Variants in NPAS3 observed in about 807,000 individuals in gnomAD.
NPAS3 encodes the protein neuronal PAS domain protein 3.
In NPAS3, 14 loss-of-function variants were observed where a neutral mutation model predicts 73.1. The observed-to-expected ratio is 0.19, with a 90% CI of 0.13 to 0.30. The LOEUF is 0.30. NPAS3 is among the 10% of genes least tolerant of loss of function. NPAS3 has a pLI of 1.00. For synonymous variants in NPAS3, 620 were observed against 541.5 expected, an observed-to-expected ratio of 1.14 and a Z score of -2.01; for missense variants, 1,096 against 1,250.0, an observed-to-expected ratio of 0.88 and a Z score of 1.86.
chr14:33,008,942 G>A (rs1390967962), intron 1 of NPAS3, among the ~76,000 whole-genome samples: 2 of 152,108 alleles, frequency 1.3e-5, no homozygotes, highest in African/African-American at 2.4e-5. Context: ...TTTGCAACAT[G>A]CTACCTTCTC....
chr14:33,260,213 T>C (rs998797085), intron 3 of NPAS3, among the ~76,000 whole-genome samples: 4 of 152,214 alleles, frequency 2.6e-5, no homozygotes, highest in African/African-American at 9.6e-5. Context: ...TAGATCCTTA[T>C]GTTTGTACCT....
In NPAS3 at chr14:33,450,365, C is replaced by T. The variant is rs770948288; in HGVS notation, c.468+83097C>T. Among the ~76,000 whole-genome samples the T allele has an allele frequency of 5.3e-5, 8 of 152,058 alleles. No individual in the cohort carries two copies. In the East Asian group the frequency reaches 5.8e-4, roughly 11 times the overall value. On this transcript the variant is annotated intron_variant, in intron 4 of 11. Transcript: ENST00000356141. ...AAGCAATCTGTATTCATTGCAGAAGCGTAGACTACAGAAACACAAAGAAAA... is the reference window on the plus strand; with the variant it reads ...AAGCAATCTGTATTCATTGCAGAAGTGTAGACTACAGAAACACAAAGAAAA...
intron 3 of NPAS3, among the ~76,000 whole-genome samples, chr14:33,358,244 A>AG (rs1363575217): frequency 6.6e-6 from 1 of 152,012 alleles, no homozygotes; most frequent in African/African-American, 2.4e-5. Context: ...GTTGAGGTGG[A>AG]GGGGGAGAGA....
intron 7 of NPAS3, among the ~76,000 whole-genome samples, chr14:33,773,171 C>T (rs907371753): frequency 2.6e-5 from 4 of 152,144 alleles, no homozygotes; most frequent in African/African-American, 9.7e-5. Flanking sequence ...CTGGGAGGCA[C>T]GAGACCTACT....
At chr14:33,068,292 C>T (rs979204308) in intron 2 of NPAS3, among the ~76,000 whole-genome samples, 4 of 152,182 alleles carry the variant, frequency 2.6e-5, no homozygotes, top group African/African-American at 7.2e-5. Context: ...CCTATAACAC[C>T]AGACATTTCT....
At chr14:33,643,548 C>T (rs1178067348) in intron 5 of NPAS3, among the ~76,000 whole-genome samples, 1 of 152,006 alleles carries the variant, frequency 6.6e-6, no homozygotes, top group African/African-American at 2.4e-5. Flanking sequence ...TTGAGAGCTC[C>T]TTTGTGAGTT....
chr14:33,546,324 A>C (rs530106690), intron 4 of NPAS3, among the ~76,000 whole-genome samples: 1 of 152,322 alleles, frequency 6.6e-6, no homozygotes, highest in South Asian at 2.1e-4. Context: ...ATTTCAGCCC[A>C]TGTCCTCCAA....
intron 3 of NPAS3, among the ~76,000 whole-genome samples, chr14:33,280,473 T>G (rs1040022679): frequency 1.2e-4 from 19 of 152,174 alleles, no homozygotes; most frequent in Non-Finnish European, 2.2e-4. Context: ...ACCTGAGTTT[T>G]GACCGTGGTT....
At chr14:33,300,767 C>T (rs190124496) in intron 3 of NPAS3, among the ~76,000 whole-genome samples, 1 of 152,054 alleles carries the variant, frequency 6.6e-6, no homozygotes, top group African/African-American at 2.4e-5. Context: ...CTCCCAGGAT[C>T]CCCCATGGAG....
chr14:33,397,327 C>T (rs2047267026), intron 4 of NPAS3, among the ~76,000 whole-genome samples: 1 of 152,132 alleles, frequency 6.6e-6, no homozygotes, highest in Admixed American at 6.6e-5. Context: ...GAAACAGACA[C>T]TATCTCATTT....
rs114165714 is a variant in NPAS3, at chr14:33,408,389, C to T, written c.468+41121C>T. 5.9e-3 allele frequency among the ~76,000 whole-genome samples: 896 copies of T among 152,188 alleles called. 7 individuals are homozygous for T. Among genetic ancestry groups the T allele is most frequent in the African/African-American group, 0.021 (862 of 41,532 alleles). On this transcript the variant is annotated intron_variant, in intron 4 of 11. Coordinates refer to ENST00000356141, the Ensembl canonical transcript of NPAS3. ...CTGATTCCACCTTGTCATAACCTCA[C>T]ATTTGTTCTCTCTCATGCCATACAC...
intron 4 of NPAS3, among the ~76,000 whole-genome samples, chr14:33,508,238 A>T (rs187054414): frequency 6.6e-6 from 1 of 152,104 alleles, no homozygotes; most frequent in Non-Finnish European, 1.5e-5. Flanking sequence ...AGCCAACTGC[A>T]CACACACTGC....
In NPAS3 at chr14:33,683,329, C is replaced by CTT. The variant is rs2059993234; in HGVS notation, c.733+6945_733+6946dup. Among the ~76,000 whole-genome samples the CTT allele has an allele frequency of 2.8e-5, 4 of 143,164 alleles. No individual in the cohort carries two copies. The South Asian group carries it at 8.6e-4, about 31-fold the overall frequency. The allele number at this position is 143,164 out of a possible 152,430, so 93.9% of individuals were successfully genotyped here. ...ACAGCTTTCTAGGTCATAATTTTGA[C>CTT]TTCTCTTTGCCAATAGTGATTGATA... On this transcript the variant is annotated intron_variant, in intron 6 of 11. Transcript: ENST00000356141.
At chr14:33,221,429 A>T (rs2047424043) in intron 3 of NPAS3, among the ~76,000 whole-genome samples, 2 of 152,138 alleles carry the variant, frequency 1.3e-5, no homozygotes. Context: ...CCAGAGTAGT[A>T]CTTGTGTATT....
intron 1 of NPAS3, among the ~76,000 whole-genome samples, chr14:32,968,389 A>C (rs563479917): frequency 1.2e-4 from 18 of 152,280 alleles, no homozygotes; most frequent in African/African-American, 4.1e-4. Flanking sequence ...ACATTAAAAA[A>C]CTTCCTAATG....
intron 5 of NPAS3, among the ~76,000 whole-genome samples, chr14:33,635,645 G>A (rs986416097): frequency 5.3e-5 from 8 of 152,084 alleles, no homozygotes; most frequent in East Asian, 1.9e-4. Context: ...CACCAGCACC[G>A]CCATCACCCA....
At chr14:33,383,784 T>A (rs1217298826) in intron 4 of NPAS3, among the ~76,000 whole-genome samples, 1 of 152,158 alleles carries the variant, frequency 6.6e-6, no homozygotes, top group Non-Finnish European at 1.5e-5. Context: ...TTCTAACATT[T>A]CTAGTGAATG....
intron 5 of NPAS3, among the ~76,000 whole-genome samples, chr14:33,588,708 G>A (rs971675783): frequency 2.6e-5 from 4 of 152,142 alleles, no homozygotes; most frequent in African/African-American, 9.7e-5. Context: ...TCGCCTCCCA[G>A]GTTCAAGTAA....
intron 4 of NPAS3, among the ~76,000 whole-genome samples, chr14:33,474,560 A>C (rs2050934328): frequency 6.6e-6 from 1 of 152,150 alleles, no homozygotes; most frequent in African/African-American, 2.4e-5. Flanking sequence ...CTCTTTTTGC[A>C]TAAAAATAGA....
Sources: gnomAD v4.1 joint callset for allele counts (sites outside exome capture counted in the v4.1 genomes callset) on GRCh38, gnomAD v4.1.1 for gene constraint, MANE v1.5 for transcripts, NCBI Gene and HGNC (gene_info 2026-07-23, HGNC 2026-07-21) for gene names.